The following CCDC148 variants were observed in gnomAD, a reference collection of about 807,000 sequenced individuals.
CCDC148 encodes the protein coiled-coil domain containing 148.
In CCDC148, 89 loss-of-function variants were observed where a neutral mutation model predicts 85.7. The observed-to-expected ratio is 1.04, with a 90% confidence interval of 0.87 to 1.24. The LOEUF is 1.24. CCDC148 is among the 50% of genes most tolerant of loss of function. CCDC148 has a pLI of 0.00. For missense variants in CCDC148, 692 were observed against 671.7 expected (o/e 1.03, Z -0.33); for synonymous variants, 230 against 213.9 (o/e 1.08, Z -0.66).
intron 2 of CCDC148, among the ~76,000 whole-genome samples, chr2:158,346,090 G>C (rs1682981020): frequency 6.6e-6 from 1 of 152,054 alleles, no homozygotes; most frequent in African/African-American, 2.4e-5. Context: ...CATAATTAAT[G>C]ATTTTGAGTT....
chr2:158,406,057 G>A (rs1321237444), intron 1 of CCDC148, among the ~76,000 whole-genome samples: 19 of 152,182 alleles, frequency 1.2e-4, no homozygotes, highest in Non-Finnish European at 1.5e-5. Context: ...TACATGGTGT[G>A]GCTTGCTGAA....
At chr2:158,340,132 T>TTAATATTAATACATAAA in intron 5 of CCDC148, 110 bp downstream of exon 5, 2 of 773,784 alleles carry the variant, frequency 2.6e-6, no homozygotes, top group Non-Finnish European at 3.9e-6. Flanking sequence ...TATTTATGTA[T>TTAATATTAATACATAAA]TAATATTAAC....
At chr2:158,288,291 A>T (rs1690728566) in intron 9 of CCDC148, among the ~76,000 whole-genome samples, 1 of 152,100 alleles carries the variant, frequency 6.6e-6, no homozygotes. Flanking sequence ...ACTCATGCAA[A>T]TTTCTGCAGC....
At chr2:158,312,131 C>T (rs911199832) in intron 8 of CCDC148, among the ~76,000 whole-genome samples, 3 of 152,130 alleles carry the variant, frequency 2.0e-5, no homozygotes, top group Non-Finnish European at 2.9e-5. Flanking sequence ...AGGTATGTCC[C>T]ACCTAAAATA....
chr2:158,307,795 T>A (rs776967575), intron 9 of CCDC148, among the ~76,000 whole-genome samples: 1 of 152,176 alleles, frequency 6.6e-6, no homozygotes, highest in Non-Finnish European at 1.5e-5. Flanking sequence ...ACTGTATATA[T>A]CATTTGATTT....
intron 9 of CCDC148, among the ~76,000 whole-genome samples, chr2:158,278,698 G>C (rs552027922): frequency 6.6e-6 from 1 of 152,248 alleles, no homozygotes; most frequent in Non-Finnish European, 1.5e-5. Context: ...TCTGGGGGCA[G>C]GGCACAGACA....
intron 9 of CCDC148, among the ~76,000 whole-genome samples, chr2:158,261,132 C>G (rs34366963): frequency 6.6e-6 from 1 of 152,040 alleles, no homozygotes; most frequent in African/African-American, 2.4e-5. Flanking sequence ...TACAGGGCTA[C>G]AGTAACCAAA....
At chr2:158,223,796 C>T (rs1687335082) in intron 10 of CCDC148, among the ~76,000 whole-genome samples, 1 of 152,128 alleles carries the variant, frequency 6.6e-6, no homozygotes. Flanking sequence ...ACAGAAAAGA[C>T]ATCCAAAGCA....
At chr2:158,292,797 G>A (rs1208236929) in intron 9 of CCDC148, among the ~76,000 whole-genome samples, 1 of 152,206 alleles carries the variant, frequency 6.6e-6, no homozygotes, top group East Asian at 1.9e-4. Context: ...AGATTTTACA[G>A]TGCAATTTTT....
intron 1 of CCDC148, among the ~76,000 whole-genome samples, chr2:158,435,293 C>G (rs960840590): frequency 4.5e-4 from 69 of 152,298 alleles, no homozygotes; most frequent in African/African-American, 1.6e-3. Flanking sequence ...CAGAAACTCT[C>G]CAAGCCAGAA....
At chr2:158,249,343 C>G (rs1193681425) in intron 10 of CCDC148, among the ~76,000 whole-genome samples, 4 of 152,124 alleles carry the variant, frequency 2.6e-5, no homozygotes, top group Admixed American at 2.0e-4. Context: ...ACTTTCATAA[C>G]AGTAAATAAT....
chr2:158,234,677 T>C (rs1688015805), intron 10 of CCDC148, among the ~76,000 whole-genome samples: 1 of 152,144 alleles, frequency 6.6e-6, no homozygotes, highest in Non-Finnish European at 1.5e-5. Context: ...AAATGCACTA[T>C]TCTGATGTAA....
chr2:158,303,884 G>A (rs1476552703), intron 9 of CCDC148, among the ~76,000 whole-genome samples: 2 of 152,186 alleles, frequency 1.3e-5, no homozygotes, highest in Non-Finnish European at 2.9e-5. Flanking sequence ...TGTCATTGAA[G>A]AGAATATCAG....
At chr2:158,330,308 G>A (rs191202003) in intron 7 of CCDC148, among the ~76,000 whole-genome samples, 9 of 152,046 alleles carry the variant, frequency 5.9e-5, no homozygotes, top group East Asian at 3.9e-4. Context: ...GCTGGATTAC[G>A]TTTATTGATT....
At chr2:158,434,426 A>C in intron 1 of CCDC148, among the ~76,000 whole-genome samples, 1 of 152,228 alleles carries the variant, frequency 6.6e-6, no homozygotes, top group Non-Finnish European at 1.5e-5. Context: ...TTAGAAAGGA[A>C]AACTAACAAA....
At chr2:158,281,015 T>C (rs1395028923) in intron 9 of CCDC148, among the ~76,000 whole-genome samples, 1 of 152,168 alleles carries the variant, frequency 6.6e-6, no homozygotes, top group Non-Finnish European at 1.5e-5. Flanking sequence ...AACAACCTGC[T>C]CCTGATTGAT....
chr2:158,176,173 T>C (rs1283958053), intron 13 of CCDC148, among the ~76,000 whole-genome samples: 1 of 151,868 alleles, frequency 6.6e-6, no homozygotes, highest in African/African-American at 2.4e-5. Context: ...AATTTAAATA[T>C]AATTCTTAAT....
intron 9 of CCDC148, among the ~76,000 whole-genome samples, chr2:158,264,320 T>C (rs1412611972): frequency 6.6e-6 from 1 of 152,078 alleles, no homozygotes; most frequent in African/African-American, 2.4e-5. Context: ...TTTAATCTCT[T>C]CACTTGTTAC....
At chr2:158,207,107 G>C (rs1025866156) in intron 11 of CCDC148, among the ~76,000 whole-genome samples, 2 of 152,162 alleles carry the variant, frequency 1.3e-5, no homozygotes, top group African/African-American at 4.8e-5. Context: ...ACTATACACT[G>C]TTTTTGGGCC....
Sources: allele counts gnomAD v4.1 joint callset (sites outside exome capture counted in the v4.1 genomes callset), GRCh38; gene constraint gnomAD v4.1.1; transcripts MANE v1.5; gene names NCBI Gene and HGNC (gene_info 2026-07-23, HGNC 2026-07-21).